Variants in CCND3 observed in about 807,000 individuals in gnomAD.
The protein encoded by CCND3 is G1/S-specific cyclin-D3.
A neutral mutation model predicts 28.7 loss-of-function variants in CCND3; 9 were observed. That is an observed-to-expected ratio of 0.31 (90% CI 0.19 to 0.55). CCND3 has a LOEUF of 0.55. Among genes scored for constraint, CCND3 ranks in the 20% least tolerant of loss-of-function variants. The pLI is 0.93. For missense variants in CCND3, 315 were observed against 385.8 expected (o/e 0.82, Z 1.54); for synonymous variants, 164 against 163.9 (o/e 1.00, Z 0.00).
chr6:41,954,292 C>T (rs553231874), intron 1 of CCND3, among the ~76,000 whole-genome samples: 11 of 102,328 alleles, frequency 1.1e-4, no homozygotes, highest in African/African-American at 4.1e-4. Context: ...GTGGCTCATA[C>T]CTGTAATCCC....
chr6:41,967,549 A>G (rs746939346), intron 1 of CCND3, among the ~76,000 whole-genome samples: 2 of 152,196 alleles, frequency 1.3e-5, no homozygotes, highest in Non-Finnish European at 2.9e-5. Flanking sequence ...CTGCACATGA[A>G]TCATTTGGAA....
Position 41,936,028 on chromosome 6 carries a change from C to T in CCND3, c.791G>A (p.Ser264Asn). Residue 264 changes from serine (S) to asparagine (N), a missense_variant, in exon 5 of 5, where the codon AGC becomes AAC. By Grantham distance (46) the Ser-to-Asn change is conservative. Coordinates refer to ENST00000372991, the MANE Select transcript of CCND3 (RefSeq NM_001760.5). This position sits in a 1 kb window ranked among gnomAD's most constrained non-coding sequence, Gnocchi z 4.4. ...SLREASQTSSSPAPKAPRGSS... is the reference protein window; with the variant it reads ...SLREASQTSSNPAPKAPRGSS... Reference sequence around the variant, plus strand: ...GCCCCGGGGGGCTTTGGGCGCTGGGCTGGAGCTGGTCTGAGAGGCTTCCCT... The same window carrying T: ...GCCCCGGGGGGCTTTGGGCGCTGGGTTGGAGCTGGTCTGAGAGGCTTCCCT... 6.2e-7 allele frequency: 1 copy of T among 1,613,428 alleles called. No homozygotes were observed. The highest frequency in any genetic ancestry group is 8.5e-7 in the Non-Finnish European group (1 of 1,179,612).
intron 1 of CCND3, among the ~76,000 whole-genome samples, chr6:42,002,731 G>A (rs993246095): frequency 3.3e-5 from 5 of 152,050 alleles, no homozygotes; most frequent in Non-Finnish European, 7.4e-5. Context: ...GCGGGCACCT[G>A]TGGTCCCAGC....
intron 1 of CCND3, among the ~76,000 whole-genome samples, chr6:41,969,330 A>G (rs1302887421): frequency 6.6e-5 from 10 of 151,672 alleles, no homozygotes; most frequent in Non-Finnish European, 1.5e-5. Flanking sequence ...TGGCCAACCA[A>G]CATGGTGCAA....
Position 41,941,310 on chromosome 6 carries a change from C to T in CCND3, c.198+142G>A, listed in dbSNP as rs1368548887. ...GCAAGGGAGGCAGCTGGCGTGGGTG[C>T]CCTAGTGAAAGGCCAGGCCCCGGGA... On this transcript the variant is annotated intron_variant, in intron 1 of 4. Coordinates refer to ENST00000372991, the MANE Select transcript of CCND3 (RefSeq NM_001760.5). This position sits in a 1 kb window ranked among gnomAD's most constrained non-coding sequence, Gnocchi z 6.1. 3 of 1,465,104 alleles carry T rather than the reference C, an allele frequency of 2.0e-6. No individual in the cohort carries two copies. The highest frequency in any genetic ancestry group is 2.7e-6 in the Non-Finnish European group (3 of 1,110,744). 90.8% of individuals were successfully genotyped at this position (1,465,104 alleles called of 1,614,324 possible). A position where few individuals can be genotyped will look rare whatever the true frequency, so the allele number is the denominator to read the frequency against.
chr6:42,046,609 CA>C (rs1764551607), intron 1 of CCND3, among the ~76,000 whole-genome samples: 1 of 152,170 alleles, frequency 6.6e-6, no homozygotes, highest in South Asian at 2.1e-4. Context: ...GAGGCTTACA[CA>C]GGGGGAAACA....
intron 1 of CCND3, among the ~76,000 whole-genome samples, chr6:42,030,950 G>T (rs1467358892): frequency 6.6e-6 from 1 of 152,038 alleles, no homozygotes; most frequent in Non-Finnish European, 1.5e-5. Context: ...AGGCACTTGG[G>T]AGAAGTGGGA....
At chr6:41,972,453 G>C (rs947808874) in intron 1 of CCND3, among the ~76,000 whole-genome samples, 5 of 152,072 alleles carry the variant, frequency 3.3e-5, no homozygotes, top group Non-Finnish European at 7.4e-5. Context: ...TGTGGCCATG[G>C]AGTTTAGATA....
At chr6:41,999,053 G>A (rs1317699140) in intron 1 of CCND3, among the ~76,000 whole-genome samples, 1 of 152,032 alleles carries the variant, frequency 6.6e-6, no homozygotes, top group Non-Finnish European at 1.5e-5. Context: ...TATTACTGAT[G>A]AGAAAACTGA....
intron 1 of CCND3, among the ~76,000 whole-genome samples, chr6:41,964,530 G>C (rs1000327029): frequency 6.6e-6 from 1 of 152,082 alleles, no homozygotes; most frequent in African/African-American, 2.4e-5. Context: ...GTATGTGTGT[G>C]CATGCACATG....
Position 41,936,414 on chromosome 6 carries a change from A to C in CCND3, c.711+145T>G. The C allele has an allele frequency of 4.2e-6, 4 of 948,064 alleles. No homozygotes were observed. Among genetic ancestry groups the C allele is most frequent in the Non-Finnish European group, 6.4e-6 (4 of 625,784 alleles). The allele number at this position is 948,064 out of a possible 1,614,324, so 58.7% of individuals were successfully genotyped here. A position where few individuals can be genotyped will look rare whatever the true frequency, so the allele number is the denominator to read the frequency against. On this transcript the variant is annotated intron_variant, in intron 4 of 4. Transcript: ENST00000372991. The surrounding 1 kb of genome is among the most constrained non-coding windows in gnomAD (Gnocchi z 4.4). ...TACTTGCTCTTCCCCAGACCAAGGC[A>C]GGAGATAAAAAGCCACAAAGCCCCA...
intron 1 of CCND3, among the ~76,000 whole-genome samples, chr6:41,949,111 G>A (rs914859111): frequency 1.3e-5 from 2 of 152,176 alleles, no homozygotes; most frequent in African/African-American, 4.8e-5. Context: ...CACTTTGAGA[G>A]GCTAAGTTGG....
At position 41,935,809 on chromosome 6, in the gene CCND3, T is replaced by C. The variant is rs2127388920; in HGVS notation, c.*131A>G. 1.1e-6 allele frequency: 1 copy of C among 879,586 alleles called. No homozygotes were observed. Among genetic ancestry groups the C allele is most frequent in the South Asian group, 1.5e-5 (1 of 67,930 alleles). The allele number at this position is 879,586 out of a possible 1,614,324, so 54.5% of individuals were successfully genotyped here. On this transcript the variant is annotated 3_prime_UTR_variant, in exon 5 of 5. Coordinates refer to ENST00000372991, the MANE Select transcript of CCND3 (RefSeq NM_001760.5). ...CACTGCGGGGATGGGTAGGACCAGA[T>C]CCCTTGGGCTTTGTGAAGGGGGAAC...
chr6:42,009,137 C>T (rs1763261437), intron 1 of CCND3, among the ~76,000 whole-genome samples: 1 of 152,192 alleles, frequency 6.6e-6, no homozygotes. Flanking sequence ...CTTGAGTGGA[C>T]TGCTCTTCCC....
chr6:41,935,811 C>G lies in CCND3; in HGVS notation c.*129G>C. ...CTGCGGGGATGGGTAGGACCAGATC[C>G]CTTGGGCTTTGTGAAGGGGGAACAG... On this transcript the variant is annotated 3_prime_UTR_variant, in exon 5 of 5. Transcript: ENST00000372991. 1 of 899,368 alleles carries G rather than the reference C, an allele frequency of 1.1e-6. No individual in the cohort carries two copies. Among genetic ancestry groups the G allele is most frequent in the Non-Finnish European group, 1.8e-6 (1 of 570,928 alleles). The allele number at this position is 899,368 out of a possible 1,614,324, so 55.7% of individuals were successfully genotyped here.
chr6:42,026,264 C>T (rs900437437), intron 1 of CCND3, among the ~76,000 whole-genome samples: 1 of 152,110 alleles, frequency 6.6e-6, no homozygotes, highest in Non-Finnish European at 1.5e-5. Flanking sequence ...GAGAACAGCA[C>T]AGACCCTCTC....
At chr6:42,000,670 C>T (rs574257772) in intron 1 of CCND3, among the ~76,000 whole-genome samples, 3 of 146,606 alleles carry the variant, frequency 2.0e-5, no homozygotes, top group South Asian at 4.3e-4. Context: ...CAGGTTCAAG[C>T]GATTCCCCTG....
At chr6:42,017,548 T>C (rs777228737) in intron 1 of CCND3, among the ~76,000 whole-genome samples, 13 of 152,172 alleles carry the variant, frequency 8.5e-5, no homozygotes, top group Non-Finnish European at 1.3e-4. Context: ...CAAGCTTCCA[T>C]TGCATCCAGC....
chr6:41,964,897 T>C (rs565404120), intron 1 of CCND3, among the ~76,000 whole-genome samples: 22 of 152,044 alleles, frequency 1.4e-4, no homozygotes, highest in Non-Finnish European at 2.9e-4. Flanking sequence ...GAGACAGAAA[T>C]CACTGGAACT....
Sources: allele counts gnomAD v4.1 joint callset (sites outside exome capture counted in the v4.1 genomes callset), GRCh38; gene constraint gnomAD v4.1.1; non-coding constraint Gnocchi (gnomAD v3.1); transcripts MANE v1.5; gene names NCBI Gene and HGNC (gene_info 2026-07-23, HGNC 2026-07-21).